Variants in LDLRAD4 observed in about 807,000 individuals in gnomAD.
LDLRAD4 encodes low-density lipoprotein receptor class A domain-containing protein 4.
Under a neutral mutation model 17.0 loss-of-function variants are expected in LDLRAD4, and 5 were observed. That is an observed-to-expected ratio of 0.29 (90% CI 0.15 to 0.62). The LOEUF (loss-of-function observed/expected upper bound fraction) is 0.62, where lower values mean the gene tolerates loss of function less well. Among genes scored for constraint, LDLRAD4 ranks in the 20% least tolerant of loss-of-function variants. LDLRAD4 has a pLI of 0.84. For synonymous variants in LDLRAD4, 168 were observed against 171.8 expected (o/e 0.98, Z 0.17); for missense variants, 340 against 424.7 (o/e 0.80, Z 1.75).
chr18:13,546,354 A>G lies in LDLRAD4; in HGVS notation c.182-74763A>G, dbSNP rs148054011. Among the ~76,000 whole-genome samples, 585 of 149,952 alleles carry G rather than the reference A, an allele frequency of 3.9e-3. 4 individuals carry two copies. The highest frequency in any genetic ancestry group is 0.014 in the African/African-American group (559 of 40,736). On this transcript the variant is annotated intron_variant, in intron 3 of 5. Coordinates refer to ENST00000359446, the Ensembl canonical transcript of LDLRAD4. ...GTGGCTCAACAATAAAAGATTGAAGATGGCCTCCCCTCCCCCCTCCCCTCT... is the reference window on the plus strand; with the variant it reads ...GTGGCTCAACAATAAAAGATTGAAGGTGGCCTCCCCTCCCCCCTCCCCTCT...
intron 1 of LDLRAD4, among the ~76,000 whole-genome samples, chr18:13,230,747 A>G (rs1258265487): frequency 6.6e-6 from 1 of 152,090 alleles, no homozygotes; most frequent in Non-Finnish European, 1.5e-5. Flanking sequence ...CTCAAACTCT[A>G]AATTACTTTT....
chr18:13,410,596 A>C (rs928328662), intron 2 of LDLRAD4, among the ~76,000 whole-genome samples: 1 of 152,222 alleles, frequency 6.6e-6, no homozygotes, highest in African/African-American at 2.4e-5. Flanking sequence ...ATGGAAACAT[A>C]GCATATAAGG....
intron 3 of LDLRAD4, among the ~76,000 whole-genome samples, chr18:13,603,758 C>T (rs560959526): frequency 8.5e-4 from 130 of 152,368 alleles, no homozygotes; most frequent in Middle Eastern, 3.4e-3. Context: ...ACGCTGAGCA[C>T]GCTGCTGGGT....
In LDLRAD4 at chr18:13,500,151, G is replaced by A. The variant is rs557727459; in HGVS notation, c.181+61767G>A. 6.6e-5 allele frequency among the ~76,000 whole-genome samples: 10 copies of A among 152,326 alleles called. No homozygotes were observed. In the South Asian group the frequency reaches 2.1e-3, roughly 32 times the overall value. ...AAAAAATGTTTAGGAAAGGTTGCTA[G>A]GCTTTAAAAATATATATATTTTGCT... On this transcript the variant is annotated intron_variant, in intron 3 of 5. Transcript: ENST00000359446.
chr18:13,356,449 A>G (rs955594817), intron 1 of LDLRAD4, among the ~76,000 whole-genome samples: 1 of 152,254 alleles, frequency 6.6e-6, no homozygotes, highest in African/African-American at 2.4e-5. Flanking sequence ...TTATTGCATC[A>G]TAAGTCAGAT....
chr18:13,536,548 T>A (rs1352622062), intron 3 of LDLRAD4, among the ~76,000 whole-genome samples: 1 of 152,184 alleles, frequency 6.6e-6, no homozygotes, highest in Non-Finnish European at 1.5e-5. Flanking sequence ...CATAAAGTCA[T>A]ATCTTTTGAA....
chr18:13,222,129 CTTTTG>C (rs2041488006), intron 1 of LDLRAD4, among the ~76,000 whole-genome samples: 2 of 152,118 alleles, frequency 1.3e-5, no homozygotes, highest in South Asian at 2.1e-4. Flanking sequence ...AATGACTGTA[CTTTTG>C]TTTTGCAGAT....
At chr18:13,510,798 A>G (rs2093766102) in intron 3 of LDLRAD4, among the ~76,000 whole-genome samples, 1 of 152,218 alleles carries the variant, frequency 6.6e-6, no homozygotes, top group African/African-American at 2.4e-5. Flanking sequence ...GTCTGTCTCC[A>G]CGGCAGAGTA....
intron 3 of LDLRAD4, chr18:13,611,903 G>A: frequency 1.0e-6 from 1 of 985,442 alleles, no homozygotes; most frequent in Non-Finnish European, 1.2e-6. Context: ...GTTAGAGGAT[G>A]TGGAGAGGGA....
intron 2 of LDLRAD4, among the ~76,000 whole-genome samples, chr18:13,435,809 T>G (rs971910942): frequency 6.6e-6 from 1 of 152,218 alleles, no homozygotes; most frequent in African/African-American, 2.4e-5. Context: ...CCAAGCACAT[T>G]AGTAGCACAA....
chr18:13,574,554 G>A (rs992653816), intron 3 of LDLRAD4, among the ~76,000 whole-genome samples: 1 of 152,148 alleles, frequency 6.6e-6, no homozygotes. Context: ...GACCATGGCC[G>A]ATGTGTCTCC....
intron 2 of LDLRAD4, among the ~76,000 whole-genome samples, chr18:13,390,094 C>T (rs762247381): frequency 6.6e-6 from 1 of 152,118 alleles, no homozygotes; most frequent in African/African-American, 2.4e-5. Context: ...CTAATGGGCT[C>T]TGCTCATCAC....
intron 4 of LDLRAD4, among the ~76,000 whole-genome samples, chr18:13,637,087 C>T (rs954453539): frequency 6.6e-6 from 1 of 152,180 alleles, no homozygotes; most frequent in African/African-American, 2.4e-5. Flanking sequence ...CATGAGCCAC[C>T]GTGCCTGGCC....
At chr18:13,550,571 A>G (rs1219192239) in intron 3 of LDLRAD4, among the ~76,000 whole-genome samples, 1 of 152,232 alleles carries the variant, frequency 6.6e-6, no homozygotes, top group African/African-American at 2.4e-5. Flanking sequence ...GCCAGGAGGA[A>G]GGCTCAAGGC....
intron 1 of LDLRAD4, among the ~76,000 whole-genome samples, chr18:13,301,512 C>A (rs995891794): frequency 6.6e-6 from 1 of 152,170 alleles, no homozygotes; most frequent in Admixed American, 6.5e-5. Flanking sequence ...CACGTCTGCA[C>A]CCACAGTGCC....
chr18:13,445,789 GTC>G (rs565294079), intron 3 of LDLRAD4, among the ~76,000 whole-genome samples: 43 of 151,414 alleles, frequency 2.8e-4, no homozygotes, highest in Non-Finnish European at 5.2e-4. Context: ...GTGAGGTTGA[GTC>G]TCTGGTGCAT....
chr18:13,483,917 C>G (rs1228658001), intron 3 of LDLRAD4: 1 of 152,790 alleles, frequency 6.5e-6, no homozygotes, highest in Non-Finnish European at 1.5e-5. Flanking sequence ...CTCACTTGCT[C>G]TGTCTCCTGC....
intron 3 of LDLRAD4, chr18:13,486,554 C>A (rs972632898): frequency 6.6e-6 from 1 of 152,376 alleles, no homozygotes; most frequent in African/African-American, 2.4e-5. Flanking sequence ...AGTGCCAGTG[C>A]GTACACCTCC....
intron 3 of LDLRAD4, among the ~76,000 whole-genome samples, chr18:13,535,624 T>G (rs1466214513): frequency 5.3e-5 from 8 of 152,226 alleles, no homozygotes; most frequent in Non-Finnish European, 1.0e-4. Context: ...TTTGTTTTTC[T>G]TAGCTGTTTT....
Sources: gnomAD v4.1 joint callset for allele counts (sites outside exome capture counted in the v4.1 genomes callset) on GRCh38, gnomAD v4.1.1 for gene constraint, MANE v1.5 for transcripts, NCBI Gene and HGNC (gene_info 2026-07-23, HGNC 2026-07-21) for gene names.